The following GALK2 variants were observed in gnomAD, a reference collection of about 807,000 sequenced individuals.
GALK2 encodes N-acetylgalactosamine kinase.
Under a neutral mutation model 52.4 loss-of-function variants are expected in GALK2, and 36 were observed. That is an observed-to-expected ratio of 0.69 (90% CI 0.53 to 0.91). The LOEUF (loss-of-function observed/expected upper bound fraction) is 0.91. GALK2 is among the 40% of genes least tolerant of loss of function. The pLI, the probability that GALK2 is intolerant of heterozygous loss-of-function variation, is 0.00. For missense variants in GALK2, 579 were observed against 559.1 expected, an observed-to-expected ratio of 1.04 and a Z score of -0.36; for synonymous variants, 176 against 199.1, an observed-to-expected ratio of 0.88 and a Z score of 0.98.
chr15:49,365,525 T>C (rs1376784989), intron 3 of GALK2: 2 of 852,150 alleles, frequency 2.3e-6, no homozygotes, highest in African/African-American at 1.7e-5. Flanking sequence ...GGTACTCTGA[T>C]GACTACTGGC....
chr15:49,196,249 T>C (rs1255203816), intron 1 of GALK2, among the ~76,000 whole-genome samples: 1 of 152,154 alleles, frequency 6.6e-6, no homozygotes, highest in Non-Finnish European at 1.5e-5. Context: ...TCATTTTTAC[T>C]GCTAAAGTGT....
intron 6 of GALK2, 117 bp downstream of exon 6, chr15:49,282,202 T>TGTC: frequency 1.6e-6 from 1 of 613,166 alleles, no homozygotes; most frequent in Non-Finnish European, 2.9e-6. Context: ...TATATTAGGC[T>TGTC]CTATTGTAGG....
chr15:49,331,944 G>GGGCATTC (rs2038845734), downstream of GALK2: 3 of 761,878 alleles, frequency 3.9e-6, no homozygotes, highest in East Asian at 7.8e-5. Context: ...TTAATATGCT[G>GGGCATTC]GGCATTCGTC....
chr15:49,239,090 T>C (rs1473586280), intron 4 of GALK2, 131 bp from the exon 5 acceptor site: 1 of 682,452 alleles, frequency 1.5e-6, no homozygotes. Context: ...CTAAATTGAA[T>C]TGCATAAGTA....
rs553532622 is a variant in GALK2 at position 49,337,935 on chromosome 15, C to T, written c.426+18130C>T. On this transcript the variant is annotated intron_variant, in intron 3 of 3. Transcript: ENST00000558399. ...GACATTTGGGTTGGTTCCAAGTCTTCGCTATTGTGAACACTGCCGCAATAA... is the reference window on the plus strand; with the variant it reads ...GACATTTGGGTTGGTTCCAAGTCTTTGCTATTGTGAACACTGCCGCAATAA... Among the ~76,000 whole-genome samples the T allele has an allele frequency of 2.2e-4, 34 of 152,216 alleles. 1 individual carries two copies. Among genetic ancestry groups the T allele is most frequent in the African/African-American group, 5.1e-4 (21 of 41,530 alleles).
At chr15:49,262,989 G>A (rs1468039485) in intron 5 of GALK2, among the ~76,000 whole-genome samples, 1 of 145,234 alleles carries the variant, frequency 6.9e-6, no homozygotes, top group Non-Finnish European at 1.5e-5. Context: ...TTACTTCCAA[G>A]TATGTGGTCA....
In GALK2 at chr15:49,223,361, A is replaced by G. The variant is rs571011642; in HGVS notation, c.266+6048A>G. On this transcript the variant is annotated intron_variant, in intron 3 of 9. Transcript: ENST00000560031. ...ACTTTCCATTTTCTTGATTCTTTGTATTTTTTCAGTAAAATAATTTCAACT... is the reference window on the plus strand; with the variant it reads ...ACTTTCCATTTTCTTGATTCTTTGTGTTTTTTCAGTAAAATAATTTCAACT... Among the ~76,000 whole-genome samples, 143 of 151,766 alleles carry G rather than the reference A, an allele frequency of 9.4e-4. 5 individuals carry two copies. The South Asian group carries it at 0.027, about 29-fold the overall frequency.
intron 8 of GALK2, among the ~76,000 whole-genome samples, chr15:49,293,485 C>T (rs2034144196): frequency 6.6e-6 from 1 of 152,238 alleles, no homozygotes; most frequent in African/African-American, 2.4e-5. Flanking sequence ...ACTTTTACTA[C>T]AACACGGCCA....
chr15:49,353,185 ATT>A, intron 3 of GALK2, among the ~76,000 whole-genome samples: 1 of 152,164 alleles, frequency 6.6e-6, no homozygotes, highest in Non-Finnish European at 1.5e-5. Context: ...GGGACTTGAA[ATT>A]TATTTAGTCC....
chr15:49,203,310 C>G (rs2087956061), intron 2 of GALK2, among the ~76,000 whole-genome samples: 2 of 152,118 alleles, frequency 1.3e-5, no homozygotes, highest in African/African-American at 4.8e-5. Context: ...CTTGGCCTCC[C>G]AAAGTGCTGG....
intron 3 of GALK2, among the ~76,000 whole-genome samples, chr15:49,361,748 T>C (rs1201773455): frequency 6.6e-6 from 1 of 152,158 alleles, no homozygotes. Context: ...TTATATTCCT[T>C]TGGGTATATA....
chr15:49,269,422 C>G (rs1404796235), intron 5 of GALK2, among the ~76,000 whole-genome samples: 2 of 151,994 alleles, frequency 1.3e-5, no homozygotes, highest in Non-Finnish European at 2.9e-5. Flanking sequence ...GAGTTGTGCC[C>G]AAGAACCCAC....
intron 8 of GALK2, among the ~76,000 whole-genome samples, chr15:49,317,904 T>G (rs1213121308): frequency 6.6e-6 from 1 of 152,010 alleles, no homozygotes; most frequent in Non-Finnish European, 1.5e-5. Context: ...TACTGGGGCC[T>G]GTCAGTGGGT....
chr15:49,335,441 T>G, downstream of GALK2: 1 of 1,612,998 alleles, frequency 6.2e-7, no homozygotes, highest in Non-Finnish European at 8.5e-7. Context: ...TTTTGGTTCC[T>G]TGCAAATTGT....
intron 8 of GALK2, among the ~76,000 whole-genome samples, chr15:49,297,380 TTGTC>T (rs1469492395): frequency 6.6e-6 from 1 of 152,202 alleles, no homozygotes; most frequent in Non-Finnish European, 1.5e-5. Flanking sequence ...TCTCTGTAGG[TTGTC>T]TGTTTACTCT....
intron 1 of GALK2, among the ~76,000 whole-genome samples, chr15:49,173,832 C>T (rs2085264956): frequency 6.6e-6 from 1 of 152,012 alleles, no homozygotes; most frequent in Non-Finnish European, 1.5e-5. Flanking sequence ...AGCCTCCGCT[C>T]TTGGGTTCAA....
chr15:49,318,938 G>C (rs1422518043), intron 8 of GALK2: 2 of 452,386 alleles, frequency 4.4e-6, no homozygotes, highest in African/African-American at 2.0e-5. Flanking sequence ...TTATGAGGTA[G>C]TACTTTTCTT....
At chr15:49,349,175 G>GA (rs1250660639) in intron 3 of GALK2, among the ~76,000 whole-genome samples, 1 of 152,094 alleles carries the variant, frequency 6.6e-6, no homozygotes, top group Non-Finnish European at 1.5e-5. Context: ...GAGTTTGTAA[G>GA]AAAAAATAGC....
At chr15:49,185,828 A>G (rs1028256196) in intron 1 of GALK2, among the ~76,000 whole-genome samples, 1 of 152,286 alleles carries the variant, frequency 6.6e-6, no homozygotes, top group Non-Finnish European at 1.5e-5. Flanking sequence ...TCTGTCTCAG[A>G]AAATCTTTGT....
Sources: allele counts gnomAD v4.1 joint callset (sites outside exome capture counted in the v4.1 genomes callset), GRCh38; gene constraint gnomAD v4.1.1; transcripts MANE v1.5; gene names NCBI Gene and HGNC (gene_info 2026-07-23, HGNC 2026-07-21).